Variants in LGSN observed in about 807,000 individuals in gnomAD.
The protein encoded by LGSN is lengsin, lens protein with glutamine synthetase domain.
A neutral mutation model predicts 19.5 loss-of-function variants in LGSN; 21 were observed. The observed-to-expected ratio is 1.07, with a 90% CI of 0.76 to 1.55. LGSN has a LOEUF of 1.55. Ranked by LOEUF, LGSN falls within the 40% of genes most tolerant of loss-of-function variation. The pLI is 0.00. For synonymous variants in LGSN, 257 were observed against 215.6 expected (o/e 1.19, Z -1.68); for missense variants, 673 against 608.5 (o/e 1.11, Z -1.12).
At chr6:63,333,126 G>A in the LGSN span, among the ~76,000 whole-genome samples, 2,499 of 151,966 alleles carry the variant, frequency 0.016, 72 homozygotes, top group African/African-American at 0.057. Flanking sequence ...AAGGGGACCC[G>A]AGCGGGTTCC....
chr6:63,365,961 G>A, the LGSN span, among the ~76,000 whole-genome samples: 1 of 152,236 alleles, frequency 6.6e-6, no homozygotes, highest in African/African-American at 2.4e-5. Context: ...AGCTATTTAT[G>A]ACAAACCCAC....
At chr6:63,370,777 C>G in the LGSN span, among the ~76,000 whole-genome samples, 1 of 152,188 alleles carries the variant, frequency 6.6e-6, no homozygotes, top group Non-Finnish European at 1.5e-5. Flanking sequence ...TTGCACTCAT[C>G]CTGCAAGTAG....
chr6:63,295,057 TAATAAACAAAAAGCCA>T lies in LGSN; in HGVS notation c.31-28_31-13del, dbSNP rs1197168207. On this transcript the variant is annotated splice_polypyrimidine_tract_variant and intron_variant, in intron 1 of 3. Coordinates refer to ENST00000370657, the MANE Select transcript of LGSN (RefSeq NM_016571.3). ...TCTCTTGTTGAGTCCTGTTGATAAT[TAATAAACAAAAAGCCA>T]AATAACAGATTATTCAAACAATGAT... The T allele has an allele frequency of 6.2e-7, 1 of 1,610,538 alleles. No individual in the cohort carries two copies. The highest frequency in any genetic ancestry group is 8.5e-7 in the Non-Finnish European group (1 of 1,177,720).
At chr6:63,525,548 G>A in the LGSN span, among the ~76,000 whole-genome samples, 1 of 152,152 alleles carries the variant, frequency 6.6e-6, no homozygotes, top group African/African-American at 2.4e-5. Flanking sequence ...CTCTCTCAGA[G>A]CATCTTCTGA....
At chr6:63,413,377 A>T in the LGSN span, among the ~76,000 whole-genome samples, 1 of 152,294 alleles carries the variant, frequency 6.6e-6, no homozygotes, top group Admixed American at 6.5e-5. Flanking sequence ...ACACAATATT[A>T]TGAAATTAAT....
chr6:63,412,529 G>GAGAGAGAGAA, the LGSN span, among the ~76,000 whole-genome samples: 1 of 32,378 alleles, frequency 3.1e-5, no homozygotes, highest in Admixed American at 4.3e-4. Context: ...AAAGAAAGAA[G>GAGAGAGAGAA]GAAAGAAAGA....
the LGSN span, among the ~76,000 whole-genome samples, chr6:63,457,934 C>T: frequency 1.3e-5 from 2 of 152,060 alleles, no homozygotes; most frequent in Non-Finnish European, 2.9e-5. Context: ...TTAACTAATA[C>T]TTTCACATAT....
At chr6:63,393,063 A>G in the LGSN span, among the ~76,000 whole-genome samples, 1 of 151,084 alleles carries the variant, frequency 6.6e-6, no homozygotes, top group Admixed American at 6.6e-5. Context: ...ATTTTTTTGT[A>G]TTTTTAGTAG....
At chr6:63,548,995 C>CG in the LGSN span, 1 of 731,520 alleles carries the variant, frequency 1.4e-6, no homozygotes, top group East Asian at 2.5e-5. Context: ...TGACACAGGG[C>CG]AGGCAAGAAG....
At chr6:63,530,449 G>T in the LGSN span, among the ~76,000 whole-genome samples, 3 of 152,060 alleles carry the variant, frequency 2.0e-5, no homozygotes, top group African/African-American at 7.2e-5. Flanking sequence ...AGATGCTCTA[G>T]GTAAACATGA....
At chr6:63,573,402 C>T in the LGSN span, 1 of 152,242 alleles carries the variant, frequency 6.6e-6, no homozygotes. Context: ...TGCAGCTACA[C>T]TCTTGTGCTC....
At chr6:63,326,549 G>A in the LGSN span, among the ~76,000 whole-genome samples, 4 of 152,232 alleles carry the variant, frequency 2.6e-5, no homozygotes, top group African/African-American at 7.2e-5. Flanking sequence ...CACGGAGGAG[G>A]TGGGAGGCTC....
chr6:63,565,727 T>G, the LGSN span, among the ~76,000 whole-genome samples: 1 of 152,212 alleles, frequency 6.6e-6, no homozygotes, highest in African/African-American at 2.4e-5. Context: ...ATTTGCTCAT[T>G]GGAAATTTCT....
At chr6:63,292,736 A>T (rs968319864) in intron 2 of LGSN, among the ~76,000 whole-genome samples, 5 of 152,238 alleles carry the variant, frequency 3.3e-5, no homozygotes, top group Non-Finnish European at 7.3e-5. Flanking sequence ...TTCTGTGCTT[A>T]GAACTTGCCT....
the LGSN span, among the ~76,000 whole-genome samples, chr6:63,360,383 C>T: frequency 6.6e-6 from 1 of 152,208 alleles, no homozygotes; most frequent in African/African-American, 2.4e-5. Context: ...TTTCTCTAAA[C>T]TTCTCTTCTC....
chr6:63,400,711 C>T, the LGSN span, among the ~76,000 whole-genome samples: 4 of 152,226 alleles, frequency 2.6e-5, no homozygotes, highest in South Asian at 2.1e-4. Flanking sequence ...ACATAAATTT[C>T]GGCCGGGCGT....
the LGSN span, chr6:63,521,894 A>G: frequency 2.6e-5 from 4 of 152,220 alleles, no homozygotes; most frequent in African/African-American, 9.7e-5. Flanking sequence ...GAACAATGGG[A>G]ATCTTATAAA....
the LGSN span, among the ~76,000 whole-genome samples, chr6:63,364,997 C>T: frequency 6.0e-3 from 905 of 152,018 alleles, 62 homozygotes; most frequent in East Asian, 0.16. Context: ...AGATCTAAAA[C>T]TGACACCCTA....
At chr6:63,417,053 C>T in the LGSN span, among the ~76,000 whole-genome samples, 1 of 152,048 alleles carries the variant, frequency 6.6e-6, no homozygotes, top group Non-Finnish European at 1.5e-5. Context: ...CTTCTTTAAC[C>T]TGTTTTGTGA....
Sources: allele counts gnomAD v4.1 joint callset (sites outside exome capture counted in the v4.1 genomes callset), GRCh38; gene constraint gnomAD v4.1.1; transcripts MANE v1.5; gene names NCBI Gene and HGNC (gene_info 2026-07-23, HGNC 2026-07-21).